MED13: variants seen among roughly 807,000 people sequenced by gnomAD.
MED13 encodes the protein mediator complex subunit 13.
A neutral mutation model predicts 225.2 loss-of-function variants in MED13; 23 were observed. That is an observed-to-expected ratio of 0.10 (90% CI 0.07 to 0.14). MED13 has a LOEUF of 0.14. MED13 is among the 10% of genes least tolerant of loss of function. The probability of loss-of-function intolerance (pLI) is 1.00; values close to 1 mark genes in which losing one functional copy is unlikely to be tolerated. For synonymous variants in MED13, 942 were observed against 889.2 expected, an observed-to-expected ratio of 1.06 and a Z score of -1.06; for missense variants, 2,197 against 2,594.5, an observed-to-expected ratio of 0.85 and a Z score of 3.33.
chr17:61,971,268 A>G (rs2080105743), intron 17 of MED13, among the ~76,000 whole-genome samples: 3 of 151,314 alleles, frequency 2.0e-5, no homozygotes, highest in Non-Finnish European at 4.4e-5. Context: ...AAATAAATAA[A>G]TATCTACTTT....
At chr17:62,022,470 AT>A (rs1041986606) in intron 8 of MED13, among the ~76,000 whole-genome samples, 3 of 151,814 alleles carry the variant, frequency 2.0e-5, no homozygotes, top group African/African-American at 7.3e-5. Flanking sequence ...TATTAATAAC[AT>A]TTTTTTCATT....
At chr17:61,974,631 C>T (rs1336446115) in intron 16 of MED13, among the ~76,000 whole-genome samples, 1 of 151,758 alleles carries the variant, frequency 6.6e-6, no homozygotes, top group Non-Finnish European at 1.5e-5. Context: ...GAAATCAAAC[C>T]TCATGCTTAT....
intron 8 of MED13, among the ~76,000 whole-genome samples, chr17:62,014,675 A>G (rs1204146950): frequency 2.6e-5 from 4 of 152,074 alleles, no homozygotes; most frequent in Admixed American, 2.0e-4. Context: ...CTAATTTTTT[A>G]AGAGACAAGT....
chr17:61,955,004 G>C (rs1442792821), intron 26 of MED13, among the ~76,000 whole-genome samples: 2 of 152,134 alleles, frequency 1.3e-5, no homozygotes, highest in African/African-American at 4.8e-5. Flanking sequence ...AAGGCTGAAA[G>C]GGATAATCTG....
chr17:61,986,401 A>G (rs892651398), intron 12 of MED13, among the ~76,000 whole-genome samples: 2 of 152,310 alleles, frequency 1.3e-5, no homozygotes. Flanking sequence ...ATGATAATGC[A>G]GCACCCAATT....
chr17:62,035,539 A>T lies in MED13; in HGVS notation c.540T>A (p.Ile180=). ...GAAGGTATACAGGTTGATGTTGGTT[A>T]ATTTCCACACTGGTACAAACATTGC... is the stretch of plus-strand genomic sequence containing the variant. ...GDSNVCTSVE[I]NQHQPVYLLS... Residue 180 remains isoleucine (I), a synonymous_variant, in exon 4 of 30, where the codon ATT becomes ATA. Coordinates refer to ENST00000397786, the MANE Select transcript of MED13 (RefSeq NM_005121.3). 1 of 1,613,772 alleles carries T rather than the reference A, an allele frequency of 6.2e-7. No individual in the cohort carries two copies. Among genetic ancestry groups the T allele is most frequent in the East Asian group, 2.2e-5 (1 of 44,840 alleles).
intron 10 of MED13, among the ~76,000 whole-genome samples, chr17:61,993,195 T>TG (rs2080316065): frequency 7.2e-6 from 1 of 138,072 alleles, no homozygotes; most frequent in African/African-American, 3.3e-5. Flanking sequence ...TTTCTTTCTT[T>TG]CTTTCTTTTT....
In MED13 at chr17:62,063,026, T is replaced by C. The variant is rs377477213; in HGVS notation, c.301+41A>G. On this transcript the variant is annotated intron_variant, in intron 2 of 29. Transcript: ENST00000397786. ...ATGACATTCTGGGAGAAGTATACAATGTTGCTATATCATTAGTTAGAAATG... is the reference window on the plus strand; with the variant it reads ...ATGACATTCTGGGAGAAGTATACAACGTTGCTATATCATTAGTTAGAAATG... The C allele has an allele frequency of 1.0e-5, 15 of 1,435,136 alleles. No homozygotes were observed. The African/African-American group carries it at 1.8e-4, about 18-fold the overall frequency. The allele number at this position is 1,435,136 out of a possible 1,614,324, so 88.9% of individuals were successfully genotyped here. A position where few individuals can be genotyped will look rare whatever the true frequency, so the allele number is the denominator to read the frequency against.
intron 3 of MED13, among the ~76,000 whole-genome samples, chr17:62,044,317 T>A (rs974662292): frequency 1.3e-5 from 2 of 152,116 alleles, no homozygotes; most frequent in African/African-American, 4.8e-5. Flanking sequence ...GTGTAAGCAA[T>A]ACCACCCAAA....
chr17:62,060,186 G>C (rs2081027343), intron 2 of MED13, among the ~76,000 whole-genome samples: 1 of 152,034 alleles, frequency 6.6e-6, no homozygotes, highest in South Asian at 2.1e-4. Flanking sequence ...CCAGCTACTC[G>C]GGAGGCTGAG....
intron 1 of MED13, 44 bp from the exon 2 acceptor site, chr17:62,063,345 C>CA: frequency 7.5e-7 from 1 of 1,331,180 alleles, no homozygotes; most frequent in Middle Eastern, 1.9e-4. Context: ...CATATTCACT[C>CA]AAAGTCAAAA....
chr17:61,973,949 C>T (rs1286691550), intron 16 of MED13, among the ~76,000 whole-genome samples: 2 of 152,190 alleles, frequency 1.3e-5, no homozygotes, highest in Admixed American at 6.5e-5. Context: ...TGGCATTGCA[C>T]TCCAGCTTGG....
At chr17:61,947,593 A>G (rs2079861279) in intron 28 of MED13, among the ~76,000 whole-genome samples, 1 of 152,226 alleles carries the variant, frequency 6.6e-6, no homozygotes, top group Admixed American at 6.5e-5. Context: ...AGTAACAGGA[A>G]TAAGCATAAG....
chr17:62,061,025 G>A (rs2081035202), intron 2 of MED13, among the ~76,000 whole-genome samples: 1 of 152,110 alleles, frequency 6.6e-6, no homozygotes. Flanking sequence ...AAAGGTACAA[G>A]TAACTACCAT....
At chr17:62,028,454 T>G (rs1002931465) in intron 8 of MED13, among the ~76,000 whole-genome samples, 34 of 152,066 alleles carry the variant, frequency 2.2e-4, no homozygotes, top group Admixed American at 2.2e-3. Context: ...CTAGGCTTAG[T>G]ATCTGAGTGA....
chr17:61,993,440 G>A (rs925791366), intron 10 of MED13, among the ~76,000 whole-genome samples: 1 of 150,998 alleles, frequency 6.6e-6, no homozygotes, highest in Admixed American at 6.6e-5. Flanking sequence ...GATCTCAGGT[G>A]ATCTGCCCGC....
rs550570023 is a variant in MED13 at position 61,993,215 on chromosome 17, T to C, written c.2182-594A>G. Among the ~76,000 whole-genome samples the C allele has an allele frequency of 4.8e-5, 7 of 145,952 alleles. No homozygotes were observed. The South Asian group carries it at 1.6e-3, about 32-fold the overall frequency. ...TTCTTTCTTTCTTTTTTTTTTTTTT[T>C]TTTTGAGACAGAGTCTCACTCTGTC... is the stretch of plus-strand genomic sequence containing the variant. On this transcript the variant is annotated intron_variant, in intron 10 of 29. Coordinates refer to ENST00000397786, the MANE Select transcript of MED13 (RefSeq NM_005121.3).
At chr17:62,005,847 G>T (rs8074890) in intron 9 of MED13, 24,387 of 152,020 alleles carry the variant, frequency 0.16, 2,402 homozygotes, top group East Asian at 0.5. Flanking sequence ...TCCTAGGCTG[G>T]TTCACCAGTC....
chr17:62,064,747 G>A (rs1356139596), intron 1 of MED13, among the ~76,000 whole-genome samples: 1 of 152,110 alleles, frequency 6.6e-6, no homozygotes, highest in East Asian at 1.9e-4. Context: ...AAAAGGGTAA[G>A]ACATAAAGGC....
Sources: allele counts gnomAD v4.1 joint callset (sites outside exome capture counted in the v4.1 genomes callset), GRCh38; gene constraint gnomAD v4.1.1; transcripts MANE v1.5; gene names NCBI Gene and HGNC (gene_info 2026-07-23, HGNC 2026-07-21).